The following CABLES1 variants were observed in gnomAD, a reference collection of about 807,000 sequenced individuals.
CABLES1 encodes the protein CDK5 and ABL1 enzyme substrate 1.
CABLES1 carries 36 observed loss-of-function variants against 57.8 expected under a neutral mutation model. The ratio of observed to expected loss-of-function variants is 0.62; its 90% CI spans 0.48 to 0.82. CABLES1 has a LOEUF of 0.82. CABLES1 is among the 40% of genes least tolerant of loss of function. The pLI, the probability that CABLES1 is intolerant of heterozygous loss-of-function variation, is 0.00. For synonymous variants in CABLES1, 374 were observed against 363.0 expected (o/e 1.03, Z -0.35); for missense variants, 767 against 836.6 (o/e 0.92, Z 1.03).
intron 1 of CABLES1, among the ~76,000 whole-genome samples, chr18:23,171,508 C>T (rs149368484): frequency 3.3e-5 from 5 of 152,304 alleles, no homozygotes; most frequent in Admixed American, 2.0e-4. Context: ...TTAGCCATGC[C>T]TCATGTCTTG....
Position 23,253,713 on chromosome 18 carries a change from GCCTGTCTTTCT to G in CABLES1, c.1554-13_1554-3del. The G allele has an allele frequency of 6.2e-7, 1 of 1,610,786 alleles. No individual in the cohort carries two copies. The highest frequency in any genetic ancestry group is 1.1e-5 in the South Asian group (1 of 90,910). On this transcript the variant is annotated splice_region_variant and splice_polypyrimidine_tract_variant and intron_variant, in intron 8 of 9. Transcript: ENST00000256925. ...AGTTTTCACAAGACTGTTCCCTCTT[GCCTGTCTTTCT>G]CCAGTCTGAAACGAGAGATGCGGAA...
chr18:23,201,482 A>C (rs1454271605), intron 3 of CABLES1, among the ~76,000 whole-genome samples: 1 of 152,192 alleles, frequency 6.6e-6, no homozygotes, highest in Non-Finnish European at 1.5e-5. Context: ...GCTGAGTGAA[A>C]TGAGCCAATC....
chr18:23,197,750 A>G (rs2047295074), intron 3 of CABLES1: 1 of 152,230 alleles, frequency 6.6e-6, no homozygotes, highest in Non-Finnish European at 1.5e-5. Flanking sequence ...AAGGCAGACC[A>G]GTCCTCAGGA....
intron 4 of CABLES1, chr18:23,226,997 C>T (rs1489420162): frequency 2.0e-5 from 3 of 152,164 alleles, no homozygotes; most frequent in African/African-American, 7.2e-5. Context: ...CATCAGAGAC[C>T]ATGTGATGAA....
chr18:23,246,866 T>C lies in CABLES1; in HGVS notation c.1447-6094T>C, dbSNP rs543139631. On this transcript the variant is annotated intron_variant, in intron 7 of 9. Transcript: ENST00000256925. ...CACCACCACGCCCAGCTAATTTTTGTATTTTTAGTAGAGACGGGGTTTTAC... is the reference window on the plus strand; with the variant it reads ...CACCACCACGCCCAGCTAATTTTTGCATTTTTAGTAGAGACGGGGTTTTAC... Among the ~76,000 whole-genome samples the C allele has an allele frequency of 6.6e-5, 10 of 152,252 alleles. No individual in the cohort carries two copies. The South Asian group carries it at 1.9e-3, about 28-fold the overall frequency.
chr18:23,251,475 C>T (rs993563299), intron 7 of CABLES1, among the ~76,000 whole-genome samples: 3 of 151,816 alleles, frequency 2.0e-5, no homozygotes, highest in African/African-American at 7.3e-5. Context: ...AAGATTATGG[C>T]GTGTAGTCAG....
intron 4 of CABLES1, among the ~76,000 whole-genome samples, chr18:23,230,327 G>A (rs1365648429): frequency 6.6e-5 from 10 of 152,294 alleles, no homozygotes; most frequent in South Asian, 6.2e-4. Context: ...AGCTGAGATC[G>A]CACCACTGCA....
rs146673206 is a variant in CABLES1, at chr18:23,243,646, G to T, written c.1446+6401G>T. 6.2e-3 allele frequency among the ~76,000 whole-genome samples: 938 copies of T among 152,020 alleles called. 11 individuals are homozygous for T. The highest frequency in any genetic ancestry group is 0.021 in the African/African-American group (882 of 41,498). ...CCAGCACTTTGGGAGGCCAAGGCGG[G>T]TGGATCACCTGAGGTCAGGAGTTTG... On this transcript the variant is annotated intron_variant, in intron 7 of 9. Transcript: ENST00000256925.
chr18:23,234,323 G>T lies in CABLES1; in HGVS notation c.1089-285G>T, dbSNP rs2047586936. Among the ~76,000 whole-genome samples the T allele has an allele frequency of 2.0e-5, 3 of 152,216 alleles. No individual in the cohort carries two copies. The South Asian group carries it at 6.2e-4, about 32-fold the overall frequency. ...ATGCTCTCTGGCCTCATGTTCATTG[G>T]CCGTCTCTAGGAATATAAGGGGCCT... is the stretch of plus-strand genomic sequence containing the variant. On this transcript the variant is annotated intron_variant, in intron 4 of 9. Transcript: ENST00000256925.
chr18:23,195,851 C>T (rs1291190483), intron 3 of CABLES1, among the ~76,000 whole-genome samples: 4 of 152,126 alleles, frequency 2.6e-5, no homozygotes, highest in African/African-American at 9.7e-5. Flanking sequence ...TTACAGAATA[C>T]AGAGCTTACT....
At chr18:23,239,158 G>A (rs1037353111) in intron 7 of CABLES1, among the ~76,000 whole-genome samples, 1 of 152,160 alleles carries the variant, frequency 6.6e-6, no homozygotes, top group Non-Finnish European at 1.5e-5. Flanking sequence ...GCGTGTGCAC[G>A]TATACACATA....
chr18:23,144,018 G>A (rs1039592924), intron 1 of CABLES1, among the ~76,000 whole-genome samples: 8 of 152,318 alleles, frequency 5.3e-5, no homozygotes, highest in African/African-American at 1.4e-4. Flanking sequence ...GGGCACCCAC[G>A]CTGCTCCGTG....
rs781259115 is a variant in CABLES1 at position 23,253,915 on chromosome 18, C to G, written c.1740C>G (p.His580Gln). ...AAKIGSDLKK[H>Q]EVKHLIDKLE... Reference sequence around the variant, plus strand: ...AAATTGGAAGTGACCTCAAAAAACACGAAGTCAAGCATTTAATTGACGTAA... The same window carrying G: ...AAATTGGAAGTGACCTCAAAAAACAGGAAGTCAAGCATTTAATTGACGTAA... The change falls in exon 9 of 10, where the codon CAC becomes CAG. Residue 580 changes from histidine to glutamine, a missense_variant. His to Gln is a conservative substitution (Grantham distance 24). Coordinates refer to ENST00000256925, the MANE Select transcript of CABLES1 (RefSeq NM_001100619.3). 1.2e-5 allele frequency: 20 copies of G among 1,614,004 alleles called. No homozygotes were observed. In the East Asian group the frequency reaches 4.5e-4, roughly 36 times the overall value.
At chr18:23,200,422 G>A (rs2047315868) in intron 3 of CABLES1, among the ~76,000 whole-genome samples, 1 of 152,012 alleles carries the variant, frequency 6.6e-6, no homozygotes, top group South Asian at 2.1e-4. Flanking sequence ...ACCATGCCCA[G>A]CTAATTTTTT....
intron 1 of CABLES1, chr18:23,155,947 T>C (rs1309700228): frequency 6.2e-7 from 1 of 1,614,234 alleles, no homozygotes; most frequent in Non-Finnish European, 8.5e-7. Context: ...ATGCTGATTT[T>C]CCCATGTAAG....
At chr18:23,223,303 G>A (rs912759265) in intron 4 of CABLES1, among the ~76,000 whole-genome samples, 2 of 152,096 alleles carry the variant, frequency 1.3e-5, no homozygotes, top group African/African-American at 4.8e-5. Context: ...TTTTTGGTTG[G>A]GTGCGGTGGC....
chr18:23,143,357 C>A (rs1245140099), intron 1 of CABLES1, among the ~76,000 whole-genome samples: 1 of 152,194 alleles, frequency 6.6e-6, no homozygotes, highest in Admixed American at 6.5e-5. Flanking sequence ...CATTACACAT[C>A]TTGTGTTATA....
At chr18:23,140,390 G>A (rs988761114) in intron 1 of CABLES1, among the ~76,000 whole-genome samples, 4 of 152,094 alleles carry the variant, frequency 2.6e-5, no homozygotes, top group African/African-American at 9.7e-5. Flanking sequence ...GCTGATGGGA[G>A]GGGTGCATGG....
At position 23,253,703 on chromosome 18, in the gene CABLES1, G is replaced by C. The variant is rs1158551192; in HGVS notation, c.1554-26G>C. The C allele has an allele frequency of 4.4e-6, 7 of 1,602,758 alleles. No homozygotes were observed. In the African/African-American group the frequency reaches 8.0e-5, roughly 18 times the overall value. ...TGAAACTCTAAGTTTTCACAAGACT[G>C]TTCCCTCTTGCCTGTCTTTCTCCAG... On this transcript the variant is annotated intron_variant, in intron 8 of 9. Transcript: ENST00000256925.
Sources: allele counts gnomAD v4.1 joint callset (sites outside exome capture counted in the v4.1 genomes callset), GRCh38; gene constraint gnomAD v4.1.1; transcripts MANE v1.5; gene names NCBI Gene and HGNC (gene_info 2026-07-23, HGNC 2026-07-21).